FMN1: variants seen among roughly 807,000 people sequenced by gnomAD.
FMN1 encodes formin-1.
In FMN1, 110 loss-of-function variants were observed where a neutral mutation model predicts 132.4. The observed-to-expected ratio is 0.83, with a 90% CI of 0.71 to 0.97. FMN1 has a LOEUF of 0.97. FMN1 is among the 50% of genes least tolerant of loss of function. The pLI is 0.00. For synonymous variants in FMN1, 722 were observed against 651.7 expected, an observed-to-expected ratio of 1.11 and a Z score of -1.64; for missense variants, 1,792 against 1,705.3, an observed-to-expected ratio of 1.05 and a Z score of -0.90.
In FMN1 at chr15:33,066,813, G is replaced by A. The variant is rs1158338117; in HGVS notation, c.2044-1739C>T. On this transcript the variant is annotated intron_variant, in intron 5 of 20. Transcript: ENST00000616417. ...GGCGACTCAGGGTCTGCTCCCTTCGGTTCAGTTTTGGGCATGTCAATGTTG... is the reference window on the plus strand; with the variant it reads ...GGCGACTCAGGGTCTGCTCCCTTCGATTCAGTTTTGGGCATGTCAATGTTG... The A allele has an allele frequency of 1.2e-6, 2 of 1,613,954 alleles. No homozygotes were observed. The highest frequency in any genetic ancestry group is 3.3e-5 in the Admixed American group (2 of 60,006).
intron 16 of FMN1, among the ~76,000 whole-genome samples, chr15:32,858,272 C>A (rs2059182499): frequency 6.6e-6 from 1 of 152,126 alleles, no homozygotes; most frequent in African/African-American, 2.4e-5. Flanking sequence ...CATGTCAGTT[C>A]AGAAATAGAG....
intron 10 of FMN1, among the ~76,000 whole-genome samples, chr15:32,916,718 G>A (rs140270734): frequency 5.2e-4 from 79 of 152,222 alleles, no homozygotes; most frequent in African/African-American, 1.8e-3. Context: ...ATATAGTCTG[G>A]TCCAGCCCAG....
chr15:33,019,656 G>C (rs12594962), intron 6 of FMN1, among the ~76,000 whole-genome samples: 38,135 of 152,162 alleles, frequency 0.25, 5,253 homozygotes, highest in Non-Finnish European at 0.31. Context: ...GGGACAAATC[G>C]AGCGCAGCAC....
intron 17 of FMN1, among the ~76,000 whole-genome samples, chr15:32,850,920 G>T (rs937711941): frequency 6.6e-6 from 1 of 151,958 alleles, no homozygotes; most frequent in Non-Finnish European, 1.5e-5. Context: ...CTAGCCAGGC[G>T]TGGTGGCAGG....
At chr15:33,070,243 G>A (rs1039736295) in intron 5 of FMN1, among the ~76,000 whole-genome samples, 1 of 151,678 alleles carries the variant, frequency 6.6e-6, no homozygotes, top group Non-Finnish European at 1.5e-5. Context: ...GGCCTCAGGT[G>A]ATCCGCCCGC....
In FMN1 at chr15:33,004,606, C is replaced by A. The variant is rs184788845; in HGVS notation, c.2223+3408G>T. On this transcript the variant is annotated intron_variant, in intron 7 of 20. Transcript: ENST00000616417. ...CTGTTGGTGGGACTGTAAACCAGTT[C>A]AACCATTGTGGAAGTCAGTGTGGCG... is the stretch of plus-strand genomic sequence containing the variant. Among the ~76,000 whole-genome samples, 818 of 152,288 alleles carry A rather than the reference C, an allele frequency of 5.4e-3. 5 individuals carry two copies. Among genetic ancestry groups the A allele is most frequent in the African/African-American group, 0.019 (793 of 41,554 alleles).
At chr15:33,057,545 T>G (rs946696520) in intron 6 of FMN1, among the ~76,000 whole-genome samples, 2 of 152,232 alleles carry the variant, frequency 1.3e-5, no homozygotes, top group African/African-American at 4.8e-5. Context: ...GTAAATTATC[T>G]TGCCACATGT....
chr15:33,040,419 C>A (rs2036377403), intron 6 of FMN1, among the ~76,000 whole-genome samples: 1 of 152,268 alleles, frequency 6.6e-6, no homozygotes, highest in Admixed American at 6.5e-5. Flanking sequence ...GTGGCAAAAA[C>A]AACAAAACAG....
rs16958712 is a variant in FMN1 at position 32,774,277 on chromosome 15, C to T, written c.*33G>A. 200,855 of 1,558,092 alleles carry T rather than the reference C, an allele frequency of 0.13. 13,507 individuals carry two copies. The highest frequency in any genetic ancestry group is 0.18 in the Middle Eastern group (1,052 of 5,958). On this transcript the variant is annotated 3_prime_UTR_variant, in exon 21 of 21. Coordinates refer to ENST00000616417, the MANE Select transcript of FMN1 (RefSeq NM_001277313.2). ...AAGAGTATGCGTGCAAGGTCCTCCA[C>T]CTCCAGTGCCATCATTTCCATGTGT...
chr15:32,927,487 G>A (rs1042169998), intron 9 of FMN1, among the ~76,000 whole-genome samples: 4 of 152,122 alleles, frequency 2.6e-5, no homozygotes, highest in African/African-American at 9.7e-5. Flanking sequence ...TTACACTCCT[G>A]GGCCCAAGCC....
chr15:33,178,060 A>G (rs866763405), intron 3 of FMN1, among the ~76,000 whole-genome samples: 1 of 152,188 alleles, frequency 6.6e-6, no homozygotes, highest in Non-Finnish European at 1.5e-5. Context: ...GAAGAAGCCA[A>G]TCCTTCATCA....
At chr15:33,134,646 C>T (rs1963686368) in intron 4 of FMN1, among the ~76,000 whole-genome samples, 1 of 152,206 alleles carries the variant, frequency 6.6e-6, no homozygotes, top group South Asian at 2.1e-4. Flanking sequence ...AAGAAAAGAA[C>T]TATGATCCTA....
At chr15:33,110,607 A>G (rs1267568367) in intron 4 of FMN1, among the ~76,000 whole-genome samples, 3 of 152,016 alleles carry the variant, frequency 2.0e-5, no homozygotes, top group Admixed American at 6.6e-5. Context: ...AATATCAGTA[A>G]AACACGTCCC....
chr15:32,924,918 ACAAAC>A (rs935708078), intron 10 of FMN1, among the ~76,000 whole-genome samples: 1 of 152,230 alleles, frequency 6.6e-6, no homozygotes, highest in East Asian at 1.9e-4. Context: ...CCGTCTCAAA[ACAAAC>A]CAAACCAAAA....
At chr15:33,113,833 C>T (rs1405108150) in intron 4 of FMN1, among the ~76,000 whole-genome samples, 1 of 152,212 alleles carries the variant, frequency 6.6e-6, no homozygotes, top group Non-Finnish European at 1.5e-5. Flanking sequence ...GGTACCAGCA[C>T]ACTTCAAAAC....
chr15:33,007,763 AAAAAT>A (rs1174822354), intron 7 of FMN1, among the ~76,000 whole-genome samples: 6 of 152,208 alleles, frequency 3.9e-5, no homozygotes, highest in African/African-American at 7.2e-5. Context: ...CTTCTGCTTT[AAAAAT>A]AAAATAATCA....
At chr15:32,887,423 A>AG (rs1360148774) in intron 16 of FMN1, among the ~76,000 whole-genome samples, 1 of 152,196 alleles carries the variant, frequency 6.6e-6, no homozygotes, top group Non-Finnish European at 1.5e-5. Context: ...ACGAGACTCT[A>AG]GAAATGCCAA....
At chr15:33,147,610 A>G (rs7165262) in intron 4 of FMN1, among the ~76,000 whole-genome samples, 28,956 of 152,208 alleles carry the variant, frequency 0.19, 3,363 homozygotes, top group Middle Eastern at 0.3. Context: ...TAATCTGGGG[A>G]AAAATGCACA....
intron 5 of FMN1, among the ~76,000 whole-genome samples, chr15:33,073,051 A>G (rs2038060387): frequency 6.6e-6 from 1 of 152,208 alleles, no homozygotes; most frequent in African/African-American, 2.4e-5. Flanking sequence ...CTTTCCTAAT[A>G]TTAGGAGATC....
Sources: allele counts gnomAD v4.1 joint callset (sites outside exome capture counted in the v4.1 genomes callset), GRCh38; gene constraint gnomAD v4.1.1; transcripts MANE v1.5; gene names NCBI Gene and HGNC (gene_info 2026-07-23, HGNC 2026-07-21).